The following KHDRBS1 variants were observed in gnomAD, a reference collection of about 807,000 sequenced individuals.
KHDRBS1 encodes the protein KH domain-containing, RNA-binding, signal transduction-associated protein 1.
In KHDRBS1, 7 loss-of-function variants were observed where a neutral mutation model predicts 48.4. That is an observed-to-expected ratio of 0.14 (90% CI 0.08 to 0.27). The LOEUF is 0.27. Among genes scored for constraint, KHDRBS1 ranks in the 10% least tolerant of loss-of-function variants. The pLI is 1.00. For missense variants in KHDRBS1, 458 were observed against 601.2 expected (o/e 0.76, Z 2.49); for synonymous variants, 241 against 235.8 (o/e 1.02, Z -0.20).
intron 10 of KHDRBS1, among the ~76,000 whole-genome samples, chr1:32,059,054 G>A (rs1639513469): frequency 6.6e-6 from 1 of 151,384 alleles, no homozygotes; most frequent in African/African-American, 2.4e-5. Flanking sequence ...CTACTTGGGA[G>A]CCTGAGGGAG....
intron 8 of KHDRBS1, among the ~76,000 whole-genome samples, chr1:32,040,108 C>T (rs565560061): frequency 1.2e-4 from 18 of 152,034 alleles, no homozygotes; most frequent in Non-Finnish European, 2.5e-4. Flanking sequence ...GACCAGGTTG[C>T]GGGGCAAGAA....
chr1:32,022,687 G>A (rs764850781), intron 1 of KHDRBS1, among the ~76,000 whole-genome samples: 3 of 152,010 alleles, frequency 2.0e-5, no homozygotes, highest in South Asian at 2.1e-4. Context: ...TCAGGAGATC[G>A]AGACCATCCT....
intron 10 of KHDRBS1, among the ~76,000 whole-genome samples, chr1:32,051,904 G>C (rs1639427156): frequency 6.6e-6 from 1 of 152,176 alleles, no homozygotes; most frequent in South Asian, 2.1e-4. Flanking sequence ...CTGTCTTCTT[G>C]ATATGTTCCT....
chr1:32,048,856 C>T (rs1232136431), downstream of KHDRBS1, among the ~76,000 whole-genome samples: 1 of 151,988 alleles, frequency 6.6e-6, no homozygotes, highest in Admixed American at 6.6e-5. Context: ...TATCTGTCTT[C>T]CACCAATCTA....
intron 10 of KHDRBS1, among the ~76,000 whole-genome samples, chr1:32,051,846 G>A (rs1639426370): frequency 6.6e-6 from 1 of 152,178 alleles, no homozygotes. Flanking sequence ...AGAACTTTGT[G>A]GCCACCAAAA....
chr1:32,039,496 C>T lies in KHDRBS1; in HGVS notation c.1176-19C>T. On this transcript the variant is annotated intron_variant, in intron 7 of 8. Transcript: ENST00000327300. ...ATAGTTACTCTGTAGCTTCCTAACA[C>T]TCTGCCTTTGGCTTTCAGGGACTCA... The T allele has an allele frequency of 8.1e-7, 1 of 1,227,654 alleles. No individual in the cohort carries two copies. The highest frequency in any genetic ancestry group is 1.2e-5 in the South Asian group (1 of 83,342). The allele number at this position is 1,227,654 out of a possible 1,614,324, so 76.0% of individuals were successfully genotyped here.
Position 32,039,569 on chromosome 1 carries a change from T to A in KHDRBS1, c.1230T>A (p.Ala410=), listed in dbSNP as rs1245794918. 1 of 1,476,002 alleles carries A rather than the reference T, an allele frequency of 6.8e-7. No individual in the cohort carries two copies. The highest frequency in any genetic ancestry group is 9.5e-7 in the Non-Finnish European group (1 of 1,054,090). The allele number at this position is 1,476,002 out of a possible 1,614,324, so 91.4% of individuals were successfully genotyped here. A position where few individuals can be genotyped will look rare whatever the true frequency, so the allele number is the denominator to read the frequency against. ...GGGAGGTTCAAGATTCTTATGAAGC[T>A]TATGGTATGTCTTTATCTCTGTGGT... ...GHGEVQDSYE[A]YGQDDWNGTR... is the part of the protein sequence containing the mutation. Residue 410 remains alanine (A), a synonymous_variant, in exon 8 of 9, where the codon GCT becomes GCA. Coordinates refer to ENST00000327300, the MANE Select transcript of KHDRBS1 (RefSeq NM_006559.3).
At chr1:32,037,118 A>G (rs1040936460) in intron 5 of KHDRBS1, 75 bp downstream of exon 5, 1 of 1,505,344 alleles carries the variant, frequency 6.6e-7, no homozygotes, top group Non-Finnish European at 9.1e-7. Context: ...TGGTGCTCTT[A>G]TGTCTAGCTT....
At chr1:32,030,557 T>A in intron 2 of KHDRBS1, 135 bp downstream of exon 2, 1 of 564,968 alleles carries the variant, frequency 1.8e-6, no homozygotes, top group Non-Finnish European at 2.9e-6. Flanking sequence ...ATGCTTGTAG[T>A]ACCTGTTACT....
At chr1:32,017,532 C>T (rs1403151400) in intron 1 of KHDRBS1, among the ~76,000 whole-genome samples, 1 of 149,264 alleles carries the variant, frequency 6.7e-6, no homozygotes, top group Non-Finnish European at 1.5e-5. Context: ...AATAATTTAC[C>T]TTATTGTGTT....
chr1:32,038,178 G>A, intron 6 of KHDRBS1, 142 bp downstream of exon 6: 1 of 1,309,614 alleles, frequency 7.6e-7, no homozygotes. Context: ...TGCAGTGAAT[G>A]TTGAACTATT....
chr1:32,026,535 C>T (rs1638973800), intron 1 of KHDRBS1, among the ~76,000 whole-genome samples: 1 of 152,092 alleles, frequency 6.6e-6, no homozygotes, highest in African/African-American at 2.4e-5. Context: ...ATAGAAGAAT[C>T]CATGTTATAG....
Position 32,014,352 on chromosome 1 carries a change from T to C in KHDRBS1, c.357T>C (p.Thr119=). ...AEKDSLDPSF[T]HAMQLLTAEI... ...AGGACTCGCTCGACCCGTCCTTCAC[T>C]CACGCCATGCAGCTGCTGACGGCAG... is the stretch of plus-strand genomic sequence containing the variant. Residue 119 remains threonine (T), a synonymous_variant, in exon 1 of 9, where the codon ACT becomes ACC. Coordinates refer to ENST00000327300, the MANE Select transcript of KHDRBS1 (RefSeq NM_006559.3). The C allele has an allele frequency of 2.0e-6, 3 of 1,518,654 alleles. No individual in the cohort carries two copies. Among genetic ancestry groups the C allele is most frequent in the East Asian group, 2.6e-5 (1 of 38,514 alleles). The allele number at this position is 1,518,654 out of a possible 1,614,324, so 94.1% of individuals were successfully genotyped here. A position where few individuals can be genotyped will look rare whatever the true frequency, so the allele number is the denominator to read the frequency against.
intron 10 of KHDRBS1, among the ~76,000 whole-genome samples, chr1:32,054,879 G>A (rs1639462063): frequency 6.6e-6 from 1 of 152,128 alleles, no homozygotes; most frequent in African/African-American, 2.4e-5. Context: ...GGACACCCTA[G>A]AATTATACAG....
At chr1:32,028,130 TAATA>T (rs1639010742) in intron 1 of KHDRBS1, among the ~76,000 whole-genome samples, 1 of 152,032 alleles carries the variant, frequency 6.6e-6, no homozygotes, top group Non-Finnish European at 1.5e-5. Flanking sequence ...AAATAATAAT[TAATA>T]AATAAAAACT....
intron 1 of KHDRBS1, among the ~76,000 whole-genome samples, chr1:32,014,675 C>A (rs1020937662): frequency 6.6e-6 from 1 of 152,220 alleles, no homozygotes; most frequent in African/African-American, 2.4e-5. Flanking sequence ...CCTCCTCTTG[C>A]GGCTGCCGGG....
chr1:32,055,018 T>C (rs1639464188), intron 10 of KHDRBS1, among the ~76,000 whole-genome samples: 1 of 152,194 alleles, frequency 6.6e-6, no homozygotes, highest in African/African-American at 2.4e-5. Flanking sequence ...CTGAAGTCTT[T>C]ATGTTCCTCC....
In KHDRBS1 at chr1:32,030,290, C is replaced by G. The variant is rs1639056687; in HGVS notation, c.383-8C>G. On this transcript the variant is annotated splice_polypyrimidine_tract_variant and splice_region_variant and intron_variant, in intron 1 of 8. Transcript: ENST00000327300. Reference sequence around the variant, plus strand: ...CCAGGGCAAAAATAAATTGTTTTTCCTATTCAGAAATTGAGAAGATTCAGA... The same window carrying G: ...CCAGGGCAAAAATAAATTGTTTTTCGTATTCAGAAATTGAGAAGATTCAGA... The G allele has an allele frequency of 6.3e-7, 1 of 1,597,422 alleles. No individual in the cohort carries two copies. Among genetic ancestry groups the G allele is most frequent in the African/African-American group, 1.4e-5 (1 of 73,944 alleles).
intron 1 of KHDRBS1, among the ~76,000 whole-genome samples, chr1:32,016,922 G>A (rs1195429961): frequency 2.6e-5 from 4 of 151,968 alleles, no homozygotes; most frequent in African/African-American, 9.7e-5. Flanking sequence ...AATATTTCAC[G>A]AAATAATACA....
Sources: allele counts gnomAD v4.1 joint callset (sites outside exome capture counted in the v4.1 genomes callset), GRCh38; gene constraint gnomAD v4.1.1; transcripts MANE v1.5; gene names NCBI Gene and HGNC (gene_info 2026-07-23, HGNC 2026-07-21).